The following SLC9A9 variants were observed in gnomAD, a reference collection of about 807,000 sequenced individuals.
SLC9A9 encodes solute carrier family 9 member A9, also known as sodium/hydrogen exchanger 9.
In SLC9A9, 62 loss-of-function variants were observed where a neutral mutation model predicts 77.8. The ratio of observed to expected loss-of-function variants is 0.80; its 90% CI spans 0.65 to 0.98. The LOEUF is 0.98. Among genes scored for constraint, SLC9A9 ranks in the 50% least tolerant of loss-of-function variants. The pLI, the probability that SLC9A9 is intolerant of heterozygous loss-of-function variation, is 0.00. For synonymous variants in SLC9A9, 320 were observed against 283.5 expected, an observed-to-expected ratio of 1.13 and a Z score of -1.29; for missense variants, 775 against 774.9, an observed-to-expected ratio of 1.00 and a Z score of 0.00.
chr3:143,694,991 A>C lies in SLC9A9; in HGVS notation c.534-1684T>G, dbSNP rs140369677. Among the ~76,000 whole-genome samples the C allele has an allele frequency of 4.5e-3, 681 of 152,178 alleles. 8 individuals are homozygous for C. Among genetic ancestry groups the C allele is most frequent in the African/African-American group, 0.016 (646 of 41,522 alleles). ...ATCTTAACCAGGCTGAAGGTATTAA[A>C]TATCTGAGAAAGACTGTCAGTGGGA... On this transcript the variant is annotated intron_variant, in intron 4 of 15. Transcript: ENST00000316549.
chr3:143,808,787 T>G (rs1345411322), intron 2 of SLC9A9, among the ~76,000 whole-genome samples: 1 of 152,188 alleles, frequency 6.6e-6, no homozygotes, highest in Non-Finnish European at 1.5e-5. Flanking sequence ...GTGTGGTACC[T>G]AATTCTAAGA....
At chr3:143,679,506 C>A (rs1403163303) in intron 5 of SLC9A9, among the ~76,000 whole-genome samples, 6 of 152,166 alleles carry the variant, frequency 3.9e-5, no homozygotes, top group Non-Finnish European at 8.8e-5. Context: ...CCGTCTAGTG[C>A]GTTTTCAAAG....
intron 8 of SLC9A9, among the ~76,000 whole-genome samples, chr3:143,565,839 T>G (rs2108650270): frequency 6.6e-6 from 1 of 152,272 alleles, no homozygotes; most frequent in African/African-American, 2.4e-5. Flanking sequence ...AGATGTTGGC[T>G]AATGACACGT....
At chr3:143,490,729 C>T (rs838606) in intron 11 of SLC9A9, among the ~76,000 whole-genome samples, 70,254 of 151,890 alleles carry the variant, frequency 0.46, 17,569 homozygotes, top group Non-Finnish European at 0.55. Flanking sequence ...ATGGCTATCC[C>T]ATCTTGCTGT....
chr3:143,268,860 C>T lies in SLC9A9; in HGVS notation c.1710+15G>A. ...AGGGATATTCCCTCACCCTAGAGGC[C>T]TGAGATTTACTTACCCCATAGGCTT... On this transcript the variant is annotated intron_variant, in intron 15 of 15. Coordinates refer to ENST00000316549, the MANE Select transcript of SLC9A9 (RefSeq NM_173653.4). The T allele has an allele frequency of 6.3e-7, 1 of 1,598,012 alleles. No individual in the cohort carries two copies. The highest frequency in any genetic ancestry group is 8.6e-7 in the Non-Finnish European group (1 of 1,166,334).
chr3:143,474,834 C>G (rs531724082), intron 11 of SLC9A9, among the ~76,000 whole-genome samples: 1 of 152,114 alleles, frequency 6.6e-6, no homozygotes, highest in African/African-American at 2.4e-5. Context: ...GCCTTGAGGC[C>G]TTTGTACTTG....
At chr3:143,833,338 A>G (rs1188827428) in intron 1 of SLC9A9, among the ~76,000 whole-genome samples, 1 of 152,220 alleles carries the variant, frequency 6.6e-6, no homozygotes, top group Non-Finnish European at 1.5e-5. Context: ...ATACAGGCCC[A>G]GTCTTACAGG....
chr3:143,559,915 C>T (rs921113865), intron 8 of SLC9A9, among the ~76,000 whole-genome samples: 2 of 152,158 alleles, frequency 1.3e-5, no homozygotes, highest in African/African-American at 4.8e-5. Flanking sequence ...AGCAGTTCAC[C>T]CCACAAAGGA....
chr3:143,532,592 G>A (rs898197770), intron 9 of SLC9A9, among the ~76,000 whole-genome samples: 1 of 152,064 alleles, frequency 6.6e-6, no homozygotes, highest in Non-Finnish European at 1.5e-5. Context: ...TAAAAATCAT[G>A]AAACTCGAAT....
chr3:143,298,051 T>C (rs2030355885), intron 14 of SLC9A9, among the ~76,000 whole-genome samples: 1 of 152,242 alleles, frequency 6.6e-6, no homozygotes, highest in Non-Finnish European at 1.5e-5. Context: ...GAGTTGCATT[T>C]TGTCAAGGCA....
At chr3:143,391,281 T>G (rs1400673492) in intron 12 of SLC9A9, among the ~76,000 whole-genome samples, 1 of 152,184 alleles carries the variant, frequency 6.6e-6, no homozygotes, top group Non-Finnish European at 1.5e-5. Flanking sequence ...GGCAGCAACA[T>G]TTGCTGTTCA....
chr3:143,551,677 A>G (rs981998552), intron 9 of SLC9A9, among the ~76,000 whole-genome samples: 3 of 152,220 alleles, frequency 2.0e-5, no homozygotes, highest in Admixed American at 6.5e-5. Context: ...TATGCACACT[A>G]TAGACGTATT....
Position 143,265,901 on chromosome 3 carries a change from C to T in SLC9A9, c.*801G>A. ...CAGCATATCGCGGGGAGGGGGGGAC[C>T]TGCTGCACAGCCAAGAAGTGACTCA... On this transcript the variant is annotated 3_prime_UTR_variant, in exon 16 of 16. Transcript: ENST00000316549. 4 of 611,730 alleles carry T rather than the reference C, an allele frequency of 6.5e-6. No individual in the cohort carries two copies. Among genetic ancestry groups the T allele is most frequent in the South Asian group, 5.7e-5 (3 of 52,496 alleles). The allele number at this position is 611,730 out of a possible 1,614,324, so 37.9% of individuals were successfully genotyped here.
rs147916855 is a variant in SLC9A9, at chr3:143,371,888, T to C, written c.1525-8325A>G. On this transcript the variant is annotated intron_variant, in intron 13 of 15. Coordinates refer to ENST00000316549, the MANE Select transcript of SLC9A9 (RefSeq NM_173653.4). ...GTAAAGTCTCAGGTTACAAAATCAATGTACACAAATCAGTAGCACTGCTGT... is the reference window on the plus strand; with the variant it reads ...GTAAAGTCTCAGGTTACAAAATCAACGTACACAAATCAGTAGCACTGCTGT... The C allele has an allele frequency of 6.5e-4, 152 of 234,744 alleles. 1 individual carries two copies. The highest frequency in any genetic ancestry group is 3.2e-3 in the African/African-American group (140 of 43,082). The allele number at this position is 234,744 out of a possible 1,614,324, so 14.5% of individuals were successfully genotyped here.
intron 6 of SLC9A9, among the ~76,000 whole-genome samples, chr3:143,584,356 C>T (rs2037506514): frequency 6.6e-6 from 1 of 152,192 alleles, no homozygotes; most frequent in Non-Finnish European, 1.5e-5. Flanking sequence ...AATCCCACAG[C>T]CTACTCACCC....
intron 12 of SLC9A9, among the ~76,000 whole-genome samples, chr3:143,411,838 T>A (rs982059853): frequency 1.3e-5 from 2 of 152,114 alleles, no homozygotes; most frequent in South Asian, 2.1e-4. Context: ...CCTGTACAGG[T>A]CTGCCTGTTG....
chr3:143,806,659 T>G (rs2008721647), intron 2 of SLC9A9, among the ~76,000 whole-genome samples: 5 of 151,072 alleles, frequency 3.3e-5, no homozygotes, highest in Admixed American at 2.6e-4. Context: ...AGCTAAAAAT[T>G]GAAACAATTG....
At chr3:143,783,810 T>G (rs552810391) in intron 4 of SLC9A9, among the ~76,000 whole-genome samples, 1 of 152,334 alleles carries the variant, frequency 6.6e-6, no homozygotes, top group East Asian at 1.9e-4. Flanking sequence ...GAAAGATTCA[T>G]GAATTTTCAT....
intron 14 of SLC9A9, among the ~76,000 whole-genome samples, chr3:143,286,487 A>G (rs1442390174): frequency 6.6e-6 from 1 of 152,208 alleles, no homozygotes; most frequent in Non-Finnish European, 1.5e-5. Context: ...GACATTCTGA[A>G]AGGAGTCCAA....
Sources: gnomAD v4.1 joint callset for allele counts (sites outside exome capture counted in the v4.1 genomes callset) on GRCh38, gnomAD v4.1.1 for gene constraint, MANE v1.5 for transcripts, NCBI Gene and HGNC (gene_info 2026-07-23, HGNC 2026-07-21) for gene names.